Variants in CMIP observed in about 807,000 individuals in gnomAD.
CMIP encodes c-Maf inducing protein.
Under a neutral mutation model 97.3 loss-of-function variants are expected in CMIP, and 13 were observed. The ratio of observed to expected loss-of-function variants is 0.13; its 90% confidence interval spans 0.09 to 0.21. The LOEUF (loss-of-function observed/expected upper bound fraction) is 0.21. Ranked by LOEUF, CMIP falls within the 10% of genes least tolerant of loss-of-function variation. CMIP has a pLI of 1.00. For synonymous variants in CMIP, 538 were observed against 436.3 expected (o/e 1.23, Z -2.91); for missense variants, 847 against 1,024.9 (o/e 0.83, Z 2.37).
chr16:81,532,280 A>G (rs1214713320), intron 1 of CMIP, among the ~76,000 whole-genome samples: 2 of 152,224 alleles, frequency 1.3e-5, no homozygotes, highest in Non-Finnish European at 2.9e-5. Context: ...TCACATTCGG[A>G]CGTGTGTTAG....
intron 3 of CMIP, among the ~76,000 whole-genome samples, chr16:81,623,091 CT>C (rs2092014385): frequency 6.6e-6 from 1 of 152,170 alleles, no homozygotes; most frequent in Non-Finnish European, 1.5e-5. Context: ...GTGGTCCCAG[CT>C]ACTTGGGAGG....
chr16:81,672,996 T>C lies in CMIP; in HGVS notation c.1034+926T>C, dbSNP rs551492458. ...CAGGAAGAGATCATGTACAAGTAAA[T>C]GTGCAAGATCATGTCAGAGGGTAAG... On this transcript the variant is annotated intron_variant, in intron 9 of 20. Transcript: ENST00000537098. Among the ~76,000 whole-genome samples, 9 of 152,192 alleles carry C rather than the reference T, an allele frequency of 5.9e-5. No individual in the cohort carries two copies. In the South Asian group the frequency reaches 1.9e-3, roughly 32 times the overall value.
At chr16:81,646,572 A>C (rs2092367068) in intron 3 of CMIP, among the ~76,000 whole-genome samples, 1 of 152,194 alleles carries the variant, frequency 6.6e-6, no homozygotes, top group South Asian at 2.1e-4. Flanking sequence ...TACAGTCATC[A>C]CCACAATTCA....
At chr16:81,553,957 C>T (rs907650276) in intron 1 of CMIP, among the ~76,000 whole-genome samples, 1 of 152,244 alleles carries the variant, frequency 6.6e-6, no homozygotes, top group African/African-American at 2.4e-5. Context: ...ACCATGCAAG[C>T]GTTTCCAGTG....
intron 1 of CMIP, among the ~76,000 whole-genome samples, chr16:81,601,435 C>T (rs1408656867): frequency 6.6e-6 from 1 of 152,152 alleles, no homozygotes; most frequent in Non-Finnish European, 1.5e-5. Context: ...TCAGCTCACC[C>T]CATTCCCCAC....
chr16:81,604,574 G>A (rs1347567982), intron 1 of CMIP, among the ~76,000 whole-genome samples: 2 of 151,960 alleles, frequency 1.3e-5, no homozygotes, highest in Non-Finnish European at 2.9e-5. Context: ...GGTGGCAGGC[G>A]CCTGTAATCT....
intron 1 of CMIP, among the ~76,000 whole-genome samples, chr16:81,605,911 A>G (rs1284947538): frequency 6.6e-6 from 1 of 152,274 alleles, no homozygotes; most frequent in African/African-American, 2.4e-5. Context: ...GAAGGAATGA[A>G]TGAAAAATGA....
chr16:81,591,743 G>T (rs1448744526), intron 1 of CMIP, among the ~76,000 whole-genome samples: 3 of 151,800 alleles, frequency 2.0e-5, no homozygotes, highest in Non-Finnish European at 1.5e-5. Flanking sequence ...AGGTGCACAG[G>T]GGTGTGCATT....
At chr16:81,576,683 G>C (rs1032599044) in intron 1 of CMIP, among the ~76,000 whole-genome samples, 3 of 152,100 alleles carry the variant, frequency 2.0e-5, no homozygotes, top group African/African-American at 7.2e-5. Context: ...ACTTGCTGCA[G>C]AATGATGTCT....
intron 1 of CMIP, among the ~76,000 whole-genome samples, chr16:81,595,007 A>G (rs1242505940): frequency 6.6e-6 from 1 of 151,588 alleles, no homozygotes; most frequent in African/African-American, 2.4e-5. Flanking sequence ...ATAGAACAAT[A>G]TACTACAATA....
At chr16:81,489,667 T>A (rs2089374940) in intron 1 of CMIP, among the ~76,000 whole-genome samples, 1 of 152,052 alleles carries the variant, frequency 6.6e-6, no homozygotes, top group African/African-American at 2.4e-5. Context: ...CTGCTTCTGG[T>A]TTTATGGAGC....
At chr16:81,588,593 A>G (rs1378310531) in intron 1 of CMIP, among the ~76,000 whole-genome samples, 3 of 152,048 alleles carry the variant, frequency 2.0e-5, no homozygotes, top group Admixed American at 2.0e-4. Flanking sequence ...TGGCTTCAGT[A>G]ATTGCCAAAA....
At chr16:81,479,128 G>A (rs1304510823) in intron 1 of CMIP, among the ~76,000 whole-genome samples, 1 of 152,332 alleles carries the variant, frequency 6.6e-6, no homozygotes, top group East Asian at 1.9e-4. Flanking sequence ...AGGAGCTGCT[G>A]TGTTTTCTTT....
chr16:81,557,326 T>C (rs553163970), intron 1 of CMIP, among the ~76,000 whole-genome samples: 1 of 136,486 alleles, frequency 7.3e-6, no homozygotes, highest in African/African-American at 3.0e-5. Flanking sequence ...TGGTTGAATT[T>C]ACTGATGTTG....
intron 14 of CMIP, 106 bp downstream of exon 14, chr16:81,696,773 T>A (rs1293650886): frequency 9.4e-7 from 1 of 1,064,484 alleles, no homozygotes; most frequent in Non-Finnish European, 1.3e-6. Flanking sequence ...CCCCGGAGTT[T>A]CCCGGCTAAC....
intron 1 of CMIP, among the ~76,000 whole-genome samples, chr16:81,598,176 G>C (rs1370193780): frequency 2.0e-5 from 3 of 152,072 alleles, no homozygotes; most frequent in Non-Finnish European, 2.9e-5. Context: ...GAGAAGTGGA[G>C]GGTATCGCCT....
At chr16:81,586,365 C>T (rs1190199131) in intron 1 of CMIP, among the ~76,000 whole-genome samples, 1 of 152,132 alleles carries the variant, frequency 6.6e-6, no homozygotes, top group African/African-American at 2.4e-5. Context: ...ATCATCGAAA[C>T]AGCGATAGTA....
Position 81,621,224 on chromosome 16 carries a change from GGAGT to G in CMIP, c.477+299_477+302del. ...TCTCAGAGTGAGGGCGACCCTGAGG[GGAGT>G]CCAGCCGGGGAGGCTGGACTTCAGG... is the stretch of plus-strand genomic sequence containing the variant. On this transcript the variant is annotated intron_variant, in intron 3 of 20. Transcript: ENST00000537098. This position sits in a 1 kb window ranked among gnomAD's most constrained non-coding sequence, Gnocchi z 4.1. 1 of 263,218 alleles carries G rather than the reference GGAGT, an allele frequency of 3.8e-6. No homozygotes were observed. The highest frequency in any genetic ancestry group is 7.7e-5 in the South Asian group (1 of 12,942). The allele number at this position is 263,218 out of a possible 1,614,324, so 16.3% of individuals were successfully genotyped here. A position where few individuals can be genotyped will look rare whatever the true frequency, so the allele number is the denominator to read the frequency against.
intron 1 of CMIP, chr16:81,476,288 T>C (rs1242962553): frequency 1.3e-6 from 2 of 1,554,346 alleles, no homozygotes; most frequent in Non-Finnish European, 1.8e-6. Context: ...TCCCCATAGA[T>C]GGACTTGCCA....
Sources: gnomAD v4.1 joint callset for allele counts (sites outside exome capture counted in the v4.1 genomes callset) on GRCh38, gnomAD v4.1.1 for gene constraint, Gnocchi (gnomAD v3.1) non-coding constraint, MANE v1.5 for transcripts, NCBI Gene and HGNC (gene_info 2026-07-23, HGNC 2026-07-21) for gene names.